The following GALNTL6 variants were observed in gnomAD, a reference collection of about 807,000 sequenced individuals.
The protein encoded by GALNTL6 is polypeptide N-acetylgalactosaminyltransferase like 6.
Under a neutral mutation model 73.7 loss-of-function variants are expected in GALNTL6, and 46 were observed. The ratio of observed to expected loss-of-function variants is 0.62; its 90% confidence interval spans 0.49 to 0.80. The LOEUF (loss-of-function observed/expected upper bound fraction) is 0.80. Among genes scored for constraint, GALNTL6 ranks in the 30% least tolerant of loss-of-function variants. GALNTL6 has a pLI of 0.00. For missense variants in GALNTL6, 604 were observed against 755.0 expected (o/e 0.80, Z 2.34); for synonymous variants, 259 against 263.7 (o/e 0.98, Z 0.17).
chr4:172,032,741 G>T (rs1171796192), intron 2 of GALNTL6, among the ~76,000 whole-genome samples: 1 of 151,796 alleles, frequency 6.6e-6, no homozygotes, highest in Non-Finnish European at 1.5e-5. Flanking sequence ...GCATTAGAAT[G>T]TTTTTTTCCA....
intron 2 of GALNTL6, among the ~76,000 whole-genome samples, chr4:171,846,887 C>T (rs893532588): frequency 5.6e-4 from 77 of 137,188 alleles, no homozygotes; most frequent in African/African-American, 1.5e-3. Flanking sequence ...ATTATATACA[C>T]ATAATTATAT....
intron 10 of GALNTL6, among the ~76,000 whole-genome samples, chr4:172,983,525 T>C (rs1751164344): frequency 6.6e-6 from 1 of 152,136 alleles, no homozygotes; most frequent in South Asian, 2.1e-4. Flanking sequence ...TGAAACCTTG[T>C]CTCTACAAAT....
intron 9 of GALNTL6, among the ~76,000 whole-genome samples, chr4:172,950,371 C>A (rs536804072): frequency 1.7e-3 from 254 of 152,234 alleles, no homozygotes; most frequent in Non-Finnish European, 2.9e-3. Flanking sequence ...TATCTATGCA[C>A]CCAGGCACCT....
chr4:171,839,098 T>C (rs1468352732), intron 2 of GALNTL6, among the ~76,000 whole-genome samples: 2 of 151,686 alleles, frequency 1.3e-5, no homozygotes, highest in Admixed American at 1.3e-4. Context: ...TCAGATAACA[T>C]AGGTTATAGA....
chr4:172,016,831 G>A (rs907509485), intron 2 of GALNTL6, among the ~76,000 whole-genome samples: 2 of 151,634 alleles, frequency 1.3e-5, no homozygotes, highest in Non-Finnish European at 2.9e-5. Flanking sequence ...GGGCTTCTAG[G>A]GGTGAACACT....
At chr4:172,068,155 A>T (rs1731416897) in intron 2 of GALNTL6, among the ~76,000 whole-genome samples, 1 of 107,094 alleles carries the variant, frequency 9.3e-6, no homozygotes, top group African/African-American at 3.6e-5. Context: ...GTACCTGAAA[A>T]CCCAGGGACC....
At chr4:171,863,030 C>T (rs944775639) in intron 2 of GALNTL6, among the ~76,000 whole-genome samples, 1 of 152,116 alleles carries the variant, frequency 6.6e-6, no homozygotes, top group Non-Finnish European at 1.5e-5. Context: ...ACCTTACAAA[C>T]TCTTATTTCA....
chr4:172,476,439 A>T (rs1411317711), intron 5 of GALNTL6, among the ~76,000 whole-genome samples: 2 of 152,232 alleles, frequency 1.3e-5, no homozygotes, highest in Admixed American at 6.5e-5. Context: ...GAACATTCAG[A>T]CCATAGCAAA....
intron 2 of GALNTL6, among the ~76,000 whole-genome samples, chr4:171,905,021 T>C (rs1348131980): frequency 1.3e-5 from 2 of 152,112 alleles, no homozygotes; most frequent in East Asian, 3.9e-4. Context: ...GAACAACCGA[T>C]ACGAGCCACT....
intron 5 of GALNTL6, among the ~76,000 whole-genome samples, chr4:172,646,090 G>C (rs1031245074): frequency 6.6e-6 from 1 of 151,986 alleles, no homozygotes; most frequent in African/African-American, 2.4e-5. Context: ...ATACCATGCT[G>C]TCTTAATTAC....
intron 5 of GALNTL6, among the ~76,000 whole-genome samples, chr4:172,409,604 A>G (rs1744360596): frequency 6.6e-6 from 1 of 152,020 alleles, no homozygotes; most frequent in South Asian, 2.1e-4. Flanking sequence ...TCGGATATAT[A>G]ATACTAATGA....
At chr4:171,905,288 G>T (rs967178797) in intron 2 of GALNTL6, among the ~76,000 whole-genome samples, 1 of 151,934 alleles carries the variant, frequency 6.6e-6, no homozygotes, top group African/African-American at 2.4e-5. Context: ...CAAAATAAAA[G>T]GATGGAGGAA....
intron 5 of GALNTL6, among the ~76,000 whole-genome samples, chr4:172,760,072 A>G (rs540365842): frequency 6.6e-6 from 1 of 150,584 alleles, no homozygotes; most frequent in African/African-American, 2.5e-5. Context: ...TCCTGACCTC[A>G]TGATCCACCC....
intron 5 of GALNTL6, among the ~76,000 whole-genome samples, chr4:172,378,084 G>A (rs776704485): frequency 3.3e-5 from 5 of 152,182 alleles, no homozygotes; most frequent in South Asian, 2.1e-4. Flanking sequence ...CTGCCAGCAC[G>A]TTGTCACCTC....
At chr4:172,477,081 C>T (rs563683125) in intron 5 of GALNTL6, among the ~76,000 whole-genome samples, 3 of 151,610 alleles carry the variant, frequency 2.0e-5, no homozygotes, top group Admixed American at 2.0e-4. Context: ...GCCACCACGC[C>T]CGGCTAATTT....
At chr4:172,629,794 C>T (rs1368376692) in intron 5 of GALNTL6, among the ~76,000 whole-genome samples, 1 of 152,118 alleles carries the variant, frequency 6.6e-6, no homozygotes. Context: ...AAATCCTGTG[C>T]ACCTGGGAAA....
At chr4:172,060,143 T>C (rs1043878329) in intron 2 of GALNTL6, among the ~76,000 whole-genome samples, 1 of 152,196 alleles carries the variant, frequency 6.6e-6, no homozygotes, top group South Asian at 2.1e-4. Flanking sequence ...GTGTTACTTT[T>C]TGCCAAATTA....
intron 3 of GALNTL6, among the ~76,000 whole-genome samples, chr4:172,277,263 CAA>C (rs10645932): frequency 6.9e-6 from 1 of 145,524 alleles, no homozygotes; most frequent in Non-Finnish European, 1.5e-5. Context: ...ATAAAAAATG[CAA>C]AAAAAAAAAT....
At chr4:172,814,922 G>A (rs921671342) in intron 7 of GALNTL6, among the ~76,000 whole-genome samples, 1 of 152,114 alleles carries the variant, frequency 6.6e-6, no homozygotes, top group African/African-American at 2.4e-5. Flanking sequence ...CTCTTTTGAC[G>A]TGATACTTAC....
Sources: gnomAD v4.1 joint callset for allele counts (sites outside exome capture counted in the v4.1 genomes callset) on GRCh38, gnomAD v4.1.1 for gene constraint, MANE v1.5 for transcripts, NCBI Gene and HGNC (gene_info 2026-07-23, HGNC 2026-07-21) for gene names.